The following KIF26B variants were observed in gnomAD, a reference collection of about 807,000 sequenced individuals.
KIF26B encodes kinesin family member 26B.
In KIF26B, 63 loss-of-function variants were observed where a neutral mutation model predicts 151.2. The ratio of observed to expected loss-of-function variants is 0.42; its 90% CI spans 0.34 to 0.51. KIF26B has a LOEUF of 0.51. KIF26B is among the 20% of genes least tolerant of loss of function. The pLI is 0.07. For synonymous variants in KIF26B, 1,357 were observed against 1,262.1 expected, an observed-to-expected ratio of 1.08 and a Z score of -1.59; for missense variants, 2,813 against 2,913.6, an observed-to-expected ratio of 0.97 and a Z score of 0.79.
chr1:245,685,657 A>T lies in KIF26B; in HGVS notation c.2674A>T (p.Ile892Phe), dbSNP rs372768860. The T allele has an allele frequency of 6.2e-7, 1 of 1,613,216 alleles. No homozygotes were observed. The highest frequency in any genetic ancestry group is 8.5e-7 in the Non-Finnish European group (1 of 1,179,790). Reference protein sequence around the residue: ...DNEGPPDFVPIVPALQKTRGD... With the variant: ...DNEGPPDFVPFVPALQKTRGD... Reference sequence around the variant, plus strand: ...CGAGGGCCCCCCAGACTTTGTCCCTATCGTGCCAGCCCTGCAGAAGACCCG... The same window carrying T: ...CGAGGGCCCCCCAGACTTTGTCCCTTTCGTGCCAGCCCTGCAGAAGACCCG... Residue 892 changes from isoleucine to phenylalanine, a missense_variant, in exon 12 of 15, where the codon ATC (isoleucine) becomes TTC (phenylalanine). Physicochemically the swap from Ile to Phe is conservative, Grantham distance 21. This residue lies in a region of KIF26B where 2,060 missense variants were observed against 2,088.6 expected (regional missense o/e 0.99). Transcript: ENST00000407071.
rs769654428 is a variant in KIF26B, at chr1:245,686,503, G to C, written c.3520G>C (p.Val1174Leu). 2.5e-6 allele frequency: 4 copies of C among 1,612,944 alleles called. No individual in the cohort carries two copies. Among genetic ancestry groups the C allele is most frequent in the Admixed American group, 1.7e-5 (1 of 60,026 alleles). Residue 1174 changes from valine (V) to leucine (L), a missense_variant, in exon 12 of 15, where the codon GTG becomes CTG. Physicochemically the swap from Val to Leu is conservative, Grantham distance 32. Transcript: ENST00000407071. This position sits in a 1 kb window ranked among gnomAD's most constrained non-coding sequence, Gnocchi z 5.6. ...GAAGGAGATCCTGAGCACCACGATG[G>C]TGACGGTGCAGCAGCCACTGGAGCT... ...SKKEILSTTM[V>L]TVQQPLELNG...
chr1:245,595,559 T>C (rs1203947515), intron 5 of KIF26B, among the ~76,000 whole-genome samples: 1 of 152,228 alleles, frequency 6.6e-6, no homozygotes, highest in East Asian at 1.9e-4. Context: ...TGGATTCAGT[T>C]TGCCAGTATT....
chr1:245,618,042 A>G lies in KIF26B; in HGVS notation c.2098+6066A>G, dbSNP rs149127523. Among the ~76,000 whole-genome samples the G allele has an allele frequency of 5.7e-3, 872 of 152,110 alleles. 7 individuals are homozygous for G. The highest frequency in any genetic ancestry group is 0.02 in the African/African-American group (829 of 41,496). On this transcript the variant is annotated intron_variant, in intron 9 of 14. Coordinates refer to ENST00000407071, the MANE Select transcript of KIF26B (RefSeq NM_018012.4). ...TATGTTTTCAGCCTTTCCTCCCACCAAAGTCAGGGTTACAGAAGGAAGAGA... is the reference window on the plus strand; with the variant it reads ...TATGTTTTCAGCCTTTCCTCCCACCGAAGTCAGGGTTACAGAAGGAAGAGA...
intron 4 of KIF26B, among the ~76,000 whole-genome samples, chr1:245,471,518 AACTGCTGTT>A (rs1377200332): frequency 2.1e-5 from 3 of 139,972 alleles, no homozygotes; most frequent in Non-Finnish European, 4.9e-5. Context: ...TTATGTTGAC[AACTGCTGTT>A]ACAGTGTTTT....
At position 245,218,525 on chromosome 1, in the gene KIF26B, C is replaced by T. The variant is rs1324077683; in HGVS notation, c.465+61842C>T. ...TGGGGCCGATGGTTTTCACTCAATC[C>T]GCCGGGAGATCTGAATATCAACTCT... On this transcript the variant is annotated intron_variant, in intron 2 of 14. Transcript: ENST00000407071. This position sits in a 1 kb window ranked among gnomAD's most constrained non-coding sequence, Gnocchi z 4.1. 6.6e-6 allele frequency among the ~76,000 whole-genome samples: 1 copy of T among 152,174 alleles called. No homozygotes were observed.
At chr1:245,287,579 C>A (rs978471937) in intron 2 of KIF26B, among the ~76,000 whole-genome samples, 2 of 151,168 alleles carry the variant, frequency 1.3e-5, no homozygotes, top group Non-Finnish European at 2.9e-5. Context: ...TCTCGGCTCA[C>A]CGCAACCGCC....
chr1:245,292,483 C>T (rs1241015990), intron 2 of KIF26B, among the ~76,000 whole-genome samples: 2 of 152,194 alleles, frequency 1.3e-5, no homozygotes, highest in Non-Finnish European at 2.9e-5. Context: ...GTGCACGGCT[C>T]CTTTTCCTCG....
Position 245,318,089 on chromosome 1 carries a change from G to A in KIF26B, c.466-48745G>A, listed in dbSNP as rs866902518. Among the ~76,000 whole-genome samples, 10 of 152,280 alleles carry A rather than the reference G, an allele frequency of 6.6e-5. No individual in the cohort carries two copies. In the Middle Eastern group the frequency reaches 0.014, roughly 207 times the overall value. On this transcript the variant is annotated intron_variant, in intron 2 of 14. Coordinates refer to ENST00000407071, the MANE Select transcript of KIF26B (RefSeq NM_018012.4). The surrounding 1 kb of genome is among the most constrained non-coding windows in gnomAD (Gnocchi z 4.0). The stretch of plus-strand genomic sequence containing the variant: ...AGAAGCATAGATGATGCAAAAACAT[G>A]GTTTCTCTTCTCAGTTCAGATTGCC...
Position 245,702,029 on chromosome 1 carries a change from T to C in KIF26B, c.6179-429T>C, listed in dbSNP as rs2044778869. On this transcript the variant is annotated intron_variant, in intron 14 of 14. Transcript: ENST00000407071. This position sits in a 1 kb window ranked among gnomAD's most constrained non-coding sequence, Gnocchi z 4.1. ...CTGGGTTATAATCCAGAAACGTCCTTTCATATAAGGAAGCAGAGGTATAAA... is the reference window on the plus strand; with the variant it reads ...CTGGGTTATAATCCAGAAACGTCCTCTCATATAAGGAAGCAGAGGTATAAA... 6.6e-6 allele frequency among the ~76,000 whole-genome samples: 1 copy of C among 152,140 alleles called. No individual in the cohort carries two copies. The highest frequency in any genetic ancestry group is 6.5e-5 in the Admixed American group (1 of 15,280).
Position 245,686,724 on chromosome 1 carries a change from C to T in KIF26B, c.3741C>T (p.Pro1247=), listed in dbSNP as rs1001472048. ...TGGAGTGCTACTCCAGCACGGCCCC[C>T]GTCTCCGAGGTCAGCATCACACAGT... ...EDLECYSSTA[P]VSEVSITQFL... Residue 1247 remains proline (P), a synonymous_variant, in exon 12 of 15, where the codon CCC becomes CCT. Transcript: ENST00000407071. The surrounding 1 kb of genome is among the most constrained non-coding windows in gnomAD (Gnocchi z 5.6). The T allele has an allele frequency of 9.2e-5, 149 of 1,613,382 alleles. No homozygotes were observed. The highest frequency in any genetic ancestry group is 1.1e-4 in the Non-Finnish European group (134 of 1,179,802).
chr1:245,155,530 A>C (rs1573676268), intron 1 of KIF26B, 43 bp downstream of exon 1: 1 of 1,525,956 alleles, frequency 6.6e-7, no homozygotes, highest in African/African-American at 1.4e-5. Context: ...TACCAGACCC[A>C]TCTCGGCGGA....
intron 2 of KIF26B, among the ~76,000 whole-genome samples, chr1:245,260,620 C>A (rs1213814544): frequency 6.6e-6 from 1 of 152,202 alleles, no homozygotes; most frequent in Non-Finnish European, 1.5e-5. Context: ...GCTCACACCA[C>A]CTGGTGGAAT....
At chr1:245,659,876 T>TA (rs1430025151) in intron 10 of KIF26B, among the ~76,000 whole-genome samples, 2 of 140,380 alleles carry the variant, frequency 1.4e-5, no homozygotes, top group African/African-American at 5.4e-5. Context: ...CAATATCTAC[T>TA]AAAAATACAA....
intron 10 of KIF26B, among the ~76,000 whole-genome samples, chr1:245,654,046 G>C (rs569750323): frequency 1.3e-5 from 2 of 152,278 alleles, no homozygotes; most frequent in Admixed American, 6.5e-5. Flanking sequence ...CTGGACAACA[G>C]AGCAAGACCC....
chr1:245,544,757 G>T (rs534684846), intron 5 of KIF26B, among the ~76,000 whole-genome samples: 5 of 152,288 alleles, frequency 3.3e-5, no homozygotes, highest in Admixed American at 1.3e-4. Context: ...TTTGTCCAGT[G>T]GGGAAAGACA....
intron 10 of KIF26B, among the ~76,000 whole-genome samples, chr1:245,664,721 A>C (rs1340365033): frequency 1.3e-5 from 2 of 152,210 alleles, no homozygotes; most frequent in East Asian, 3.8e-4. Context: ...CTGGACATTA[A>C]AAAATAAGCA....
chr1:245,215,876 G>A (rs1669632929), intron 2 of KIF26B, among the ~76,000 whole-genome samples: 1 of 151,990 alleles, frequency 6.6e-6, no homozygotes. Context: ...GTATAATGTT[G>A]GCATGACCTC....
intron 10 of KIF26B, among the ~76,000 whole-genome samples, chr1:245,661,026 G>T (rs2044131507): frequency 7.2e-6 from 1 of 139,692 alleles, no homozygotes; most frequent in Admixed American, 7.7e-5. Context: ...TCACTCTGTT[G>T]TCCGGGCTGG....
rs1035672723 is a variant in KIF26B at position 245,597,747 on chromosome 1, C to T, written c.1351-4830C>T. On this transcript the variant is annotated intron_variant, in intron 5 of 14. Transcript: ENST00000407071. The surrounding 1 kb of genome is among the most constrained non-coding windows in gnomAD (Gnocchi z 4.6). ...GGTTTCCAACTTGGTTCCATTCTCC[C>T]TATCACTTTCAGGTACACCAATCAA... 6.6e-6 allele frequency among the ~76,000 whole-genome samples: 1 copy of T among 152,188 alleles called. No individual in the cohort carries two copies. Among genetic ancestry groups the T allele is most frequent in the Admixed American group, 6.5e-5 (1 of 15,268 alleles).
Sources: allele counts gnomAD v4.1 joint callset (sites outside exome capture counted in the v4.1 genomes callset), GRCh38; gene constraint gnomAD v4.1.1; regional missense constraint gnomAD v4.1.1; non-coding constraint Gnocchi (gnomAD v3.1); transcripts MANE v1.5; gene names NCBI Gene and HGNC (gene_info 2026-07-23, HGNC 2026-07-21).